EPB41L3: variants seen among roughly 807,000 people sequenced by gnomAD.
EPB41L3 encodes the protein band 4.1-like protein 3.
EPB41L3 carries 57 observed loss-of-function variants against 127.1 expected under a neutral mutation model. The ratio of observed to expected loss-of-function variants is 0.45; its 90% CI spans 0.36 to 0.56. EPB41L3 has a LOEUF of 0.56. Among genes scored for constraint, EPB41L3 ranks in the 20% least tolerant of loss-of-function variants. The pLI is 0.00. For synonymous variants in EPB41L3, 572 were observed against 549.5 expected (o/e 1.04, Z -0.57); for missense variants, 1,273 against 1,372.2 (o/e 0.93, Z 1.14).
intron 1 of EPB41L3, among the ~76,000 whole-genome samples, chr18:5,524,096 T>C (rs1397732377): frequency 6.6e-6 from 1 of 152,150 alleles, no homozygotes; most frequent in Non-Finnish European, 1.5e-5. Flanking sequence ...TATTCCCAAC[T>C]GAATAAATAG....
chr18:5,518,074 C>T (rs1282009063), intron 1 of EPB41L3, among the ~76,000 whole-genome samples: 2 of 152,148 alleles, frequency 1.3e-5, no homozygotes, highest in African/African-American at 2.4e-5. Flanking sequence ...TCCATCCCCA[C>T]AAGGTCTATT....
chr18:5,552,416 G>T (rs1050746314), intron 3 of EPB41L3, among the ~76,000 whole-genome samples: 5 of 152,208 alleles, frequency 3.3e-5, no homozygotes, highest in African/African-American at 1.2e-4. Context: ...GTAATGTGTA[G>T]AAGTTACACA....
At chr18:5,539,986 C>G (rs1024052279) in intron 1 of EPB41L3, among the ~76,000 whole-genome samples, 6 of 152,156 alleles carry the variant, frequency 3.9e-5, no homozygotes, top group Non-Finnish European at 8.8e-5. Context: ...TAAATGAGAA[C>G]ATTGCCTACC....
intron 3 of EPB41L3, among the ~76,000 whole-genome samples, chr18:5,465,544 A>G (rs1357097412): frequency 1.3e-5 from 2 of 152,186 alleles, no homozygotes; most frequent in East Asian, 3.8e-4. Context: ...CTAAAGACAA[A>G]GGCTTAGAAG....
intron 15 of EPB41L3, 162 bp from the exon 16 acceptor site, chr18:5,407,130 T>C (rs2143939084): frequency 1.6e-6 from 1 of 620,608 alleles, no homozygotes; most frequent in Non-Finnish European, 2.8e-6. Flanking sequence ...CTGGTGAAAA[T>C]GTGATTTTCC....
chr18:5,558,420 G>C (rs2094072263), intron 3 of EPB41L3, among the ~76,000 whole-genome samples: 1 of 152,144 alleles, frequency 6.6e-6, no homozygotes, highest in Non-Finnish European at 1.5e-5. Context: ...CTTTTAAATG[G>C]GAAGCAGAAA....
At chr18:5,412,539 C>T (rs1186175260) in intron 13 of EPB41L3, among the ~76,000 whole-genome samples, 1 of 152,166 alleles carries the variant, frequency 6.6e-6, no homozygotes, top group Non-Finnish European at 1.5e-5. Context: ...GAATGACTTG[C>T]ATTTAGTGTT....
chr18:5,553,471 T>C (rs2093992286), intron 3 of EPB41L3, among the ~76,000 whole-genome samples: 1 of 152,164 alleles, frequency 6.6e-6, no homozygotes, highest in Non-Finnish European at 1.5e-5. Context: ...CCCTACACAA[T>C]TACATAAGGT....
At chr18:5,561,041 G>C (rs1231143010) in intron 3 of EPB41L3, among the ~76,000 whole-genome samples, 4 of 144,944 alleles carry the variant, frequency 2.8e-5, no homozygotes, top group South Asian at 4.4e-4. Context: ...GCAGTGGCGC[G>C]ATCGCGGCTC....
At position 5,583,957 on chromosome 18, in the gene EPB41L3, C is replaced by T. The variant is rs1032020115; in HGVS notation, c.-306+28383G>A. Among the ~76,000 whole-genome samples, 16 of 152,050 alleles carry T rather than the reference C, an allele frequency of 1.1e-4. No individual in the cohort carries two copies. The East Asian group carries it at 1.2e-3, about 11-fold the overall frequency. ...CCGAGTAGCTGGGATTACAGGCATGCGCCACCACACCAAGCTAATTTTGTA... is the reference window on the plus strand; with the variant it reads ...CCGAGTAGCTGGGATTACAGGCATGTGCCACCACACCAAGCTAATTTTGTA... On this transcript the variant is annotated intron_variant, in intron 3 of 21. Coordinates refer to the EPB41L3 transcript ENST00000545076.
chr18:5,487,781 TA>T (rs2090013491), intron 2 of EPB41L3, among the ~76,000 whole-genome samples: 1 of 146,100 alleles, frequency 6.8e-6, no homozygotes. Flanking sequence ...TTTTAATAAG[TA>T]TAAAATTGAA....
intron 1 of EPB41L3, among the ~76,000 whole-genome samples, chr18:5,621,235 T>C (rs72870322): frequency 4.9e-4 from 75 of 152,286 alleles, no homozygotes; most frequent in South Asian, 4.8e-3. Flanking sequence ...TTAGTCTAAG[T>C]GGCTCAGAGA....
At chr18:5,503,916 A>G (rs2091948166) in intron 1 of EPB41L3, among the ~76,000 whole-genome samples, 1 of 152,240 alleles carries the variant, frequency 6.6e-6, no homozygotes, top group African/African-American at 2.4e-5. Flanking sequence ...TTTCCATCTC[A>G]GTCATGCTCA....
chr18:5,531,018 C>G (rs1471039701), intron 1 of EPB41L3, among the ~76,000 whole-genome samples: 1 of 152,206 alleles, frequency 6.6e-6, no homozygotes, highest in Non-Finnish European at 1.5e-5. Flanking sequence ...ATCAGACATT[C>G]CTTCCCCTGA....
chr18:5,584,255 G>C (rs190244701), intron 3 of EPB41L3, among the ~76,000 whole-genome samples: 2 of 152,254 alleles, frequency 1.3e-5, no homozygotes, highest in East Asian at 3.9e-4. Context: ...AATCCCTAAG[G>C]ATCAGCTAGG....
chr18:5,493,471 C>T (rs1283875202), intron 1 of EPB41L3, among the ~76,000 whole-genome samples: 1 of 151,988 alleles, frequency 6.6e-6, no homozygotes, highest in South Asian at 2.1e-4. Flanking sequence ...GTATTTGTGA[C>T]TATAGAGTAC....
chr18:5,474,246 C>A (rs1481419950), intron 3 of EPB41L3, among the ~76,000 whole-genome samples: 1 of 151,510 alleles, frequency 6.6e-6, no homozygotes, highest in Non-Finnish European at 1.5e-5. Context: ...AAAAAAAAAT[C>A]TCTCAAATGG....
chr18:5,512,812 C>T (rs556136984), intron 1 of EPB41L3, among the ~76,000 whole-genome samples: 9 of 152,272 alleles, frequency 5.9e-5, no homozygotes, highest in African/African-American at 1.9e-4. Context: ...TCATCATTAT[C>T]ATCGTCAAAA....
At chr18:5,418,565 G>T (rs2077093724) in intron 12 of EPB41L3, among the ~76,000 whole-genome samples, 1 of 152,144 alleles carries the variant, frequency 6.6e-6, no homozygotes, top group Non-Finnish European at 1.5e-5. Flanking sequence ...CAGGAAGAGT[G>T]TAAAAACAAA....
Sources: allele counts gnomAD v4.1 joint callset (sites outside exome capture counted in the v4.1 genomes callset), GRCh38; gene constraint gnomAD v4.1.1; transcripts MANE v1.5; gene names NCBI Gene and HGNC (gene_info 2026-07-23, HGNC 2026-07-21).